PCDHGB4: variants seen among roughly 807,000 people sequenced by gnomAD.
The protein encoded by PCDHGB4 is protocadherin gamma-B4.
A neutral mutation model predicts 60.5 loss-of-function variants in PCDHGB4; 38 were observed. The ratio of observed to expected loss-of-function variants is 0.63; its 90% CI spans 0.48 to 0.82. The LOEUF (loss-of-function observed/expected upper bound fraction) is 0.82, where lower values mean the gene tolerates loss of function less well. PCDHGB4 is among the 40% of genes least tolerant of loss of function. The probability of loss-of-function intolerance (pLI) is 0.00; values close to 1 mark genes in which losing one functional copy is unlikely to be tolerated. For synonymous variants in PCDHGB4, 456 were observed against 509.7 expected (o/e 0.89, Z 1.42); for missense variants, 1,109 against 1,209.6 (o/e 0.92, Z 1.23).
At chr5:141,399,658 T>C (rs766038311) in intron 1 of PCDHGB4, 2 of 1,613,690 alleles carry the variant, frequency 1.2e-6, no homozygotes, top group South Asian at 2.2e-5. Flanking sequence ...TGGGGTGGTG[T>C]TCGCGCAGCG....
intron 1 of PCDHGB4, chr5:141,409,341 G>A (rs753232321): frequency 1.9e-6 from 3 of 1,613,976 alleles, no homozygotes; most frequent in Non-Finnish European, 2.5e-6. Flanking sequence ...GGAGGAAATG[G>A]AGAAGTCAGG....
At chr5:141,470,628 G>T (rs1475199767) in intron 1 of PCDHGB4, among the ~76,000 whole-genome samples, 12 of 152,146 alleles carry the variant, frequency 7.9e-5, no homozygotes, top group Admixed American at 7.9e-4. Flanking sequence ...GCTTAGATAG[G>T]CCCCCTTGCT....
At chr5:141,497,540 C>T (rs866982821) in intron 2 of PCDHGB4, among the ~76,000 whole-genome samples, 5 of 134,944 alleles carry the variant, frequency 3.7e-5, no homozygotes, top group African/African-American at 1.1e-4. Context: ...TGCAACAAAC[C>T]TTTTTTTTTT....
At chr5:141,428,145 A>T (rs748256830) in intron 1 of PCDHGB4, 11 of 1,592,456 alleles carry the variant, frequency 6.9e-6, no homozygotes, top group Non-Finnish European at 8.6e-7. Flanking sequence ...GGGGCTGCAC[A>T]CGGGAACCTG....
rs773174763 is a variant in PCDHGB4 at position 141,477,409 on chromosome 5, C to T, written c.2398-17398C>T. The T allele has an allele frequency of 1.4e-5, 22 of 1,614,058 alleles. No homozygotes were observed. The highest frequency in any genetic ancestry group is 1.7e-5 in the Admixed American group (1 of 60,006). On this transcript the variant is annotated intron_variant, in intron 1 of 3. Transcript: ENST00000519479. This position sits in a 1 kb window ranked among gnomAD's most constrained non-coding sequence, Gnocchi z 4.9. ...ACAACCTCAGCATCACCGCCCGAGA[C>T]GCCGGAACCCCTTCCCTCTCAGCCC...
At chr5:141,422,138 T>G (rs1201680879) in intron 1 of PCDHGB4, 1 of 1,587,640 alleles carries the variant, frequency 6.3e-7, no homozygotes, top group Admixed American at 1.9e-5. Context: ...GAAGTTCAAG[T>G]ACGGGGGTCT....
At position 141,413,764 on chromosome 5, in the gene PCDHGB4, G is replaced by A. The variant is rs749419039; in HGVS notation, c.2397+23483G>A. 28 of 1,612,716 alleles carry A rather than the reference G, an allele frequency of 1.7e-5. No individual in the cohort carries two copies. Among genetic ancestry groups the A allele is most frequent in the Non-Finnish European group, 2.2e-5 (26 of 1,179,878 alleles). On this transcript the variant is annotated intron_variant, in intron 1 of 3. Coordinates refer to ENST00000519479, the MANE Select transcript of PCDHGB4 (RefSeq NM_003736.4). ...CCGTGCCAATGGCGTCAAGTACCCG[G>A]AGCTGGTACTGGAGCACTCCCTAGA... is the stretch of plus-strand genomic sequence containing the variant.
intron 1 of PCDHGB4, chr5:141,419,629 G>T: frequency 6.2e-7 from 1 of 1,612,444 alleles, no homozygotes; most frequent in Non-Finnish European, 8.5e-7. Context: ...TGGTGACCAA[G>T]GTGGTGGCCG....
At chr5:141,424,036 C>T (rs2096796408) in intron 1 of PCDHGB4, 1 of 1,029,488 alleles carries the variant, frequency 9.7e-7, no homozygotes, top group Non-Finnish European at 1.2e-6. Flanking sequence ...CTTTTTATTT[C>T]CATTTCAATT....
Position 141,388,359 on chromosome 5 carries a change from G to T in PCDHGB4, c.475G>T (p.Asp159Tyr). Residue 159 changes from aspartate to tyrosine, a missense_variant, in exon 1 of 4, where the codon GAT (aspartate) becomes TAT (tyrosine). Asp to Tyr is a radical substitution (Grantham distance 160). Coordinates refer to ENST00000519479, the MANE Select transcript of PCDHGB4 (RefSeq NM_003736.4). ...GTRFILGSAH[D>Y]ADIGSNTLQN... ...ACGATTTATATTAGGATCTGCCCAT[G>T]ATGCGGATATTGGTAGCAACACACT... The T allele has an allele frequency of 6.2e-7, 1 of 1,614,026 alleles. No individual in the cohort carries two copies. The highest frequency in any genetic ancestry group is 1.1e-5 in the South Asian group (1 of 91,084).
intron 1 of PCDHGB4, chr5:141,399,577 TC>T (rs1393975550): frequency 6.2e-7 from 1 of 1,613,972 alleles, no homozygotes; most frequent in Non-Finnish European, 8.5e-7. Flanking sequence ...CGGCCAAGTC[TC>T]CTACTCTATC....
intron 1 of PCDHGB4, chr5:141,412,090 T>C (rs1008718786): frequency 3.3e-5 from 5 of 152,218 alleles, no homozygotes; most frequent in Admixed American, 2.0e-4. Flanking sequence ...ACTGGGTTGA[T>C]GGGCACACAC....
intron 1 of PCDHGB4, chr5:141,409,471 A>G (rs2095271616): frequency 1.2e-6 from 2 of 1,613,860 alleles, no homozygotes; most frequent in Non-Finnish European, 1.7e-6. Flanking sequence ...TCACCATCGT[A>G]GCCACTGACA....
chr5:141,414,251 C>T, intron 1 of PCDHGB4: 3 of 1,613,346 alleles, frequency 1.9e-6, no homozygotes, highest in Non-Finnish European at 2.5e-6. Context: ...CTATTTAGTC[C>T]AGTGACTGAA....
At chr5:141,496,080 C>G (rs2099765822) in intron 2 of PCDHGB4, among the ~76,000 whole-genome samples, 2 of 152,150 alleles carry the variant, frequency 1.3e-5, no homozygotes, top group East Asian at 1.9e-4. Context: ...ACACAACCCC[C>G]CACCCACCAC....
At chr5:141,464,264 A>G (rs1357786078) in intron 1 of PCDHGB4, among the ~76,000 whole-genome samples, 2 of 130,598 alleles carry the variant, frequency 1.5e-5, no homozygotes, top group East Asian at 4.2e-4. Flanking sequence ...GACTCCGTCT[A>G]AAAAAAAAAA....
rs1340234849 is a variant in PCDHGB4, at chr5:141,388,742, G to C, written c.858G>C (p.Gln286His). The C allele has an allele frequency of 6.2e-7, 1 of 1,613,886 alleles. No homozygotes were observed. Among genetic ancestry groups the C allele is most frequent in the Non-Finnish European group, 8.5e-7 (1 of 1,179,902 alleles). Residue 286 changes from glutamine (Q) to histidine (H), a missense_variant, in exon 1 of 4, where the codon CAG becomes CAC. Coordinates refer to ENST00000519479, the MANE Select transcript of PCDHGB4 (RefSeq NM_003736.4). ...EITFSFSEAS[Q>H]ITQFDLNSNT... ...CTTTCTCTTTCAGTGAAGCTAGCCA[G>C]ATCACCCAATTTGACCTGAACTCTA... is the stretch of plus-strand genomic sequence containing the variant.
In PCDHGB4 at chr5:141,432,011, TACA is replaced by T. The variant is rs1296391274; in HGVS notation, c.2397+41734_2397+41736del. 2 of 1,614,202 alleles carry T rather than the reference TACA, an allele frequency of 1.2e-6. No homozygotes were observed. Among genetic ancestry groups the T allele is most frequent in the South Asian group, 2.2e-5 (2 of 91,084 alleles). On this transcript the variant is annotated intron_variant, in intron 1 of 3. Transcript: ENST00000519479. This position sits in a 1 kb window ranked among gnomAD's most constrained non-coding sequence, Gnocchi z 6.0. The stretch of plus-strand genomic sequence containing the variant: ...CTTGGATAGGGAACAGGTTCCTAGC[TACA>T]ACATCACAGTGACCGCCACTGACCG...
At position 141,491,724 on chromosome 5, in the gene PCDHGB4, G is replaced by A; in HGVS notation, c.2398-3083G>A. ...AGGTGAGGGGCTCGGCGCCGCCCCGGGCGACCCCTGGGGGCGGCACTGGAG... is the reference window on the plus strand; with the variant it reads ...AGGTGAGGGGCTCGGCGCCGCCCCGAGCGACCCCTGGGGGCGGCACTGGAG... On this transcript the variant is annotated intron_variant, in intron 1 of 3. Coordinates refer to ENST00000519479, the MANE Select transcript of PCDHGB4 (RefSeq NM_003736.4). This position sits in a 1 kb window ranked among gnomAD's most constrained non-coding sequence, Gnocchi z 6.9. 1 of 1,606,454 alleles carries A rather than the reference G, an allele frequency of 6.2e-7. No individual in the cohort carries two copies. The highest frequency in any genetic ancestry group is 1.1e-5 in the South Asian group (1 of 90,304).
Sources: gnomAD v4.1 joint callset for allele counts (sites outside exome capture counted in the v4.1 genomes callset) on GRCh38, gnomAD v4.1.1 for gene constraint, Gnocchi (gnomAD v3.1) non-coding constraint, MANE v1.5 for transcripts, NCBI Gene and HGNC (gene_info 2026-07-23, HGNC 2026-07-21) for gene names.